Variants in CRELD1 observed in about 807,000 individuals in gnomAD.
The protein encoded by CRELD1 is CRELD disulfide isomerase 1, also known as protein disulfide isomerase CRELD1.
A neutral mutation model predicts 58.2 loss-of-function variants in CRELD1; 42 were observed. The ratio of observed to expected loss-of-function variants is 0.72; its 90% CI spans 0.56 to 0.93. CRELD1 has a LOEUF of 0.93. Ranked by LOEUF, CRELD1 falls within the 40% of genes least tolerant of loss-of-function variation. The probability of loss-of-function intolerance (pLI) is 0.00; values close to 1 mark genes in which losing one functional copy is unlikely to be tolerated. For synonymous variants in CRELD1, 222 were observed against 202.0 expected (o/e 1.10, Z -0.84); for missense variants, 500 against 540.6 (o/e 0.92, Z 0.74).
At position 9,943,492 on chromosome 3, in the gene CRELD1, T is replaced by A; in HGVS notation, c.1025T>A (p.Ile342Asn). Residue 342 changes from isoleucine (I) to asparagine (N), a missense_variant, in exon 10 of 11, where the codon ATC becomes AAC. Physicochemically the swap from Ile to Asn is moderately radical, Grantham distance 149. Coordinates refer to ENST00000452070, the MANE Select transcript of CRELD1 (RefSeq NM_001077415.3). ...CAEGYKQMEGICVKEQIPESA... is the reference protein window; with the variant it reads ...CAEGYKQMEGNCVKEQIPESA... ...GAGGGCTACAAGCAGATGGAAGGCA[T>A]CTGTGTGAAGGAGCAGATCCCAGGT... is the stretch of plus-strand genomic sequence containing the variant. The A allele has an allele frequency of 6.2e-7, 1 of 1,613,960 alleles. No individual in the cohort carries two copies. Among genetic ancestry groups the A allele is most frequent in the Non-Finnish European group, 8.5e-7 (1 of 1,179,982 alleles).
chr3:9,940,440 C>T (rs1280605336), intron 5 of CRELD1, among the ~76,000 whole-genome samples: 4 of 152,054 alleles, frequency 2.6e-5, no homozygotes, highest in African/African-American at 7.2e-5. Flanking sequence ...CCGAGGCTGG[C>T]GGATCACTCG....
chr3:9,939,431 A>G (rs919899131), intron 5 of CRELD1, among the ~76,000 whole-genome samples: 1 of 152,142 alleles, frequency 6.6e-6, no homozygotes, highest in African/African-American at 2.4e-5. Context: ...GTCAGCAGAT[A>G]AACAAGTGAA....
chr3:9,941,324 A>G (rs142022434), intron 7 of CRELD1, 118 bp downstream of exon 7: 4 of 873,440 alleles, frequency 4.6e-6, no homozygotes, highest in East Asian at 2.6e-5. Context: ...GGAGATCTCA[A>G]CCTGGCTGGG....
At chr3:9,934,129 A>C in intron 1 of CRELD1, 1 of 452,002 alleles carries the variant, frequency 2.2e-6, no homozygotes, top group Non-Finnish European at 4.1e-6. Flanking sequence ...TCCGGCCCCT[A>C]ATATTCTTTA....
chr3:9,944,282 G>C, intron 10 of CRELD1, 83 bp from the exon 11 acceptor site: 1 of 1,240,102 alleles, frequency 8.1e-7, no homozygotes, highest in Non-Finnish European at 1.2e-6. Flanking sequence ...TGATGATCAG[G>C]TGTGTGGGAG....
rs201401416 is a variant in CRELD1 at position 9,939,140 on chromosome 3, AAAATAAATAAATAAATAAATAAAT to A, written c.460+1058_460+1081del. On this transcript the variant is annotated intron_variant, in intron 5 of 10. Coordinates refer to ENST00000452070, the MANE Select transcript of CRELD1 (RefSeq NM_001077415.3). ...GAAACAGAGCGAGACCCTGTCACTA[AAAATAAATAAATAAATAAATAAAT>A]AAATAAATAAATAAATAAATAAAAG... Among the ~76,000 whole-genome samples, 410 of 144,866 alleles carry A rather than the reference AAAATAAATAAATAAATAAATAAAT, an allele frequency of 2.8e-3. 3 individuals carry two copies. The highest frequency in any genetic ancestry group is 0.01 in the African/African-American group (401 of 39,482).
rs142022434 is a variant in CRELD1, at chr3:9,941,324, A to T, written c.733+118A>T. 739 of 873,556 alleles carry T rather than the reference A, an allele frequency of 8.5e-4. 3 individuals carry two copies. Among genetic ancestry groups the T allele is most frequent in the Middle Eastern group, 6.6e-3 (19 of 2,860 alleles). 54.1% of individuals were successfully genotyped at this position (873,556 alleles called of 1,614,324 possible). On this transcript the variant is annotated intron_variant, in intron 7 of 10. Transcript: ENST00000452070. ...AGTCTCCACCTTCATGGAGATCTCA[A>T]CCTGGCTGGGAAGGCAGAAAAGTAA... is the stretch of plus-strand genomic sequence containing the variant.
At chr3:9,940,387 TG>T (rs1348906294) in intron 5 of CRELD1, among the ~76,000 whole-genome samples, 1 of 152,088 alleles carries the variant, frequency 6.6e-6, no homozygotes, top group Non-Finnish European at 1.5e-5. Context: ...CATTGAGCAC[TG>T]AGTGAACGAG....
rs1486594553 is a variant in CRELD1, at chr3:9,937,606, C to CAG, written c.304_305dup (p.Asp102GlufsTer11). ...GTGCTGGAGGGTGTGTGCAGCAAGT[C>CAG]AGACTTCGAGTGCCACCGCCTGCTG... On this transcript the variant is annotated frameshift_variant, in exon 4 of 11. Coordinates refer to ENST00000452070, the MANE Select transcript of CRELD1 (RefSeq NM_001077415.3). LOFTEE classifies it high-confidence loss of function. 6.2e-7 allele frequency: 1 copy of CAG among 1,612,654 alleles called. No individual in the cohort carries two copies. Among genetic ancestry groups the CAG allele is most frequent in the South Asian group, 1.1e-5 (1 of 90,494 alleles).
intron 5 of CRELD1, among the ~76,000 whole-genome samples, chr3:9,938,853 C>T (rs1322084220): frequency 6.7e-6 from 1 of 150,290 alleles, no homozygotes; most frequent in African/African-American, 2.5e-5. Flanking sequence ...GAGCGAGACT[C>T]TGTCTCAAAA....
At chr3:9,935,550 A>C (rs9859294) in intron 3 of CRELD1, among the ~76,000 whole-genome samples, 1 of 152,184 alleles carries the variant, frequency 6.6e-6, no homozygotes. Flanking sequence ...AGGCAAGTGC[A>C]TCATCTAGGT....
rs2124867104 is a variant in CRELD1, at chr3:9,944,378, C to T, written c.1062C>T (p.Phe354=). 1.2e-6 allele frequency: 2 copies of T among 1,614,084 alleles called. No homozygotes were observed. The highest frequency in any genetic ancestry group is 4.5e-5 in the East Asian group (2 of 44,882). ...GCTCCTCTGCAGAGTCAGCAGGCTT[C>T]TTCTCAGAGATGACAGAAGACGAGT... The part of the protein sequence containing the change: ...VKEQIPESAG[F]FSEMTEDELV... Residue 354 remains phenylalanine, a synonymous_variant, in exon 11 of 11, where the codon TTC becomes TTT. Transcript: ENST00000452070.
chr3:9,935,135 T>G, intron 3 of CRELD1: 2 of 538,636 alleles, frequency 3.7e-6, no homozygotes, highest in Non-Finnish European at 6.7e-6. Flanking sequence ...TGAATAATAT[T>G]ATGTCAGATG....
chr3:9,938,104 T>C lies in CRELD1; in HGVS notation c.458T>C (p.Leu153Pro). The change falls in exon 5 of 11, where the codon CTT becomes CCT. Residue 153 changes from leucine to proline, a missense_variant and splice_region_variant. Transcript: ENST00000452070. ...CPAGTFGPSC[L>P]PCPGGTERPC... ...GCAGGCACCTTCGGGCCCTCCTGCC[T>C]TCGTGAGTTTTTAAGTTGCTCTTGG... 6.2e-7 allele frequency: 1 copy of C among 1,612,578 alleles called. No homozygotes were observed. Among genetic ancestry groups the C allele is most frequent in the Non-Finnish European group, 8.5e-7 (1 of 1,179,356 alleles).
Position 9,944,908 on chromosome 3 carries a change from C to T in CRELD1, c.*329C>T, listed in dbSNP as rs953195745. 1.0e-5 allele frequency: 4 copies of T among 394,222 alleles called. No homozygotes were observed. Among genetic ancestry groups the T allele is most frequent in the African/African-American group, 8.2e-5 (4 of 48,576 alleles). The allele number at this position is 394,222 out of a possible 1,614,324, so 24.4% of individuals were successfully genotyped here. The stretch of plus-strand genomic sequence containing the variant: ...TAGGTGGTCCTCACAGGGGTGGGGC[C>T]ATCACAGCTCCCTCCTGCCAGCTGC... On this transcript the variant is annotated 3_prime_UTR_variant, in exon 11 of 11. Transcript: ENST00000452070.
chr3:9,937,138 C>T (rs1257896947), intron 3 of CRELD1, among the ~76,000 whole-genome samples: 2 of 152,186 alleles, frequency 1.3e-5, no homozygotes, highest in African/African-American at 4.8e-5. Flanking sequence ...TGCTTTTCCA[C>T]AGTGGTGATG....
At chr3:9,939,140 AAAATAAATAAATAAATAAATAAATAAAT>A (rs201401416) in intron 5 of CRELD1, among the ~76,000 whole-genome samples, 1 of 144,866 alleles carries the variant, frequency 6.9e-6, no homozygotes, top group South Asian at 2.2e-4. Context: ...CCTGTCACTA[AAAATAAATAAATAAATAAATAAATAAAT>A]AAATAAATAA....
intron 4 of CRELD1, 34 bp from the exon 5 acceptor site, chr3:9,937,981 C>T (rs1429436907): frequency 6.7e-7 from 1 of 1,484,786 alleles, no homozygotes; most frequent in South Asian, 1.1e-5. Flanking sequence ...TCAGCACCTC[C>T]TCCCCACCTC....
Position 9,934,603 on chromosome 3 carries a change from C to G in CRELD1, c.165C>G (p.Ser55Arg). The G allele has an allele frequency of 6.2e-7, 1 of 1,612,880 alleles. No homozygotes were observed. The highest frequency in any genetic ancestry group is 8.5e-7 in the Non-Finnish European group (1 of 1,178,966). Residue 55 changes from serine (S) to arginine (R), a missense_variant, in exon 2 of 11, where the codon AGC becomes AGG. Transcript: ENST00000452070. ...ATACCTGCCGGGGACTGGTTGACAG[C>G]TTTAACAAGGTGGGTGCACCGGCAG... ...PCHTCRGLVD[S>R]FNKGLERTIR... is the part of the protein sequence containing the mutation.
Sources: gnomAD v4.1 joint callset for allele counts (sites outside exome capture counted in the v4.1 genomes callset) on GRCh38, gnomAD v4.1.1 for gene constraint, MANE v1.5 for transcripts, NCBI Gene and HGNC (gene_info 2026-07-23, HGNC 2026-07-21) for gene names.